Variants in MIPEP observed in about 807,000 individuals in gnomAD.
MIPEP encodes the protein mitochondrial intermediate peptidase.
In MIPEP, 79 loss-of-function variants were observed where a neutral mutation model predicts 90.3. The observed-to-expected ratio is 0.87, with a 90% confidence interval of 0.73 to 1.05. MIPEP has a LOEUF of 1.05. Ranked by LOEUF, MIPEP falls within the 50% of genes least tolerant of loss-of-function variation. The pLI is 0.00. For missense variants in MIPEP, 940 were observed against 905.6 expected (o/e 1.04, Z -0.49); for synonymous variants, 334 against 315.8 (o/e 1.06, Z -0.61).
intron 10 of MIPEP, among the ~76,000 whole-genome samples, chr13:23,842,926 C>T (rs1593185589): frequency 6.6e-6 from 1 of 151,890 alleles, no homozygotes; most frequent in Non-Finnish European, 1.5e-5. Flanking sequence ...GGTGAAACCC[C>T]GTCTCTACTA....
chr13:23,772,433 A>ATTTT (rs1224750921), intron 16 of MIPEP, among the ~76,000 whole-genome samples: 90 of 152,344 alleles, frequency 5.9e-4, no homozygotes, highest in Admixed American at 1.4e-3. Flanking sequence ...AAAAATATTC[A>ATTTT]ATACCATTAG....
intron 16 of MIPEP, among the ~76,000 whole-genome samples, chr13:23,779,816 C>T (rs566247359): frequency 8.5e-5 from 13 of 152,354 alleles, no homozygotes; most frequent in East Asian, 3.9e-4. Flanking sequence ...TTATATCCCG[C>T]GCCTGGCTCA....
chr13:23,804,424 G>A (rs966278109), intron 16 of MIPEP, among the ~76,000 whole-genome samples: 1 of 152,160 alleles, frequency 6.6e-6, no homozygotes, highest in Non-Finnish European at 1.5e-5. Flanking sequence ...AATGCTCTGT[G>A]AACTGGAAAA....
intron 10 of MIPEP, among the ~76,000 whole-genome samples, chr13:23,853,680 C>A (rs574915498): frequency 2.6e-5 from 4 of 152,206 alleles, no homozygotes; most frequent in Admixed American, 6.5e-5. Flanking sequence ...CCTGCCTCAG[C>A]CTCCCAAGTA....
chr13:23,740,949 T>A (rs1476705915), intron 18 of MIPEP, among the ~76,000 whole-genome samples: 1 of 152,130 alleles, frequency 6.6e-6, no homozygotes, highest in Non-Finnish European at 1.5e-5. Context: ...ATGGACTGGG[T>A]GTCCAAGGCT....
At chr13:23,812,483 T>TA (rs11427234) in intron 14 of MIPEP, among the ~76,000 whole-genome samples, 146,383 of 149,442 alleles carry the variant, frequency 0.98, 71,737 homozygotes, top group East Asian at 1. Context: ...CCCTGAGAAA[T>TA]AAAAAAAAAA....
chr13:23,764,720 G>T (rs1952577281), intron 16 of MIPEP, among the ~76,000 whole-genome samples: 1 of 152,028 alleles, frequency 6.6e-6, no homozygotes, highest in Non-Finnish European at 1.5e-5. Flanking sequence ...ACCATAATTG[G>T]CTAATTTTTA....
chr13:23,799,000 G>GTTTTTTTTTTT (rs765292524), intron 16 of MIPEP, among the ~76,000 whole-genome samples: 6 of 88,902 alleles, frequency 6.7e-5, no homozygotes, highest in East Asian at 3.5e-4. Flanking sequence ...AATTTTTTTG[G>GTTTTTTTTTTT]TTTTTTTTTT....
intron 18 of MIPEP, among the ~76,000 whole-genome samples, chr13:23,755,376 T>C (rs1300566729): frequency 1.3e-5 from 2 of 152,228 alleles, no homozygotes; most frequent in Non-Finnish European, 2.9e-5. Context: ...AATAAATGAA[T>C]GGCTGAAGGC....
At chr13:23,852,826 C>T (rs1462470634) in intron 10 of MIPEP, among the ~76,000 whole-genome samples, 1 of 152,166 alleles carries the variant, frequency 6.6e-6, no homozygotes, top group Non-Finnish European at 1.5e-5. Flanking sequence ...CCTGTTATTT[C>T]CCTTGCAGAC....
chr13:23,766,125 T>C (rs994550141), intron 16 of MIPEP: 1 of 152,218 alleles, frequency 6.6e-6, no homozygotes, highest in Non-Finnish European at 1.5e-5. Flanking sequence ...GATACTATGG[T>C]GTTAAAAACA....
At chr13:23,830,580 G>A (rs1396921507) in intron 14 of MIPEP, among the ~76,000 whole-genome samples, 1 of 152,140 alleles carries the variant, frequency 6.6e-6, no homozygotes, top group Non-Finnish European at 1.5e-5. Context: ...TACTTGGAGA[G>A]GCATCTCTTT....
In MIPEP at chr13:23,836,292, G is replaced by C. The variant is rs770478176; in HGVS notation, c.1601C>G (p.Ala534Gly). 1.9e-6 allele frequency: 3 copies of C among 1,606,362 alleles called. No homozygotes were observed. Among genetic ancestry groups the C allele is most frequent in the Middle Eastern group, 1.7e-4 (1 of 6,032 alleles). ...TTGGTTAACTACTCGATAATCATTT[G>C]CAAAGTACTCCATCAGAATAGAAGG... ...EVPSILMEYF[A>G]NDYRVVNQFA... The change falls in exon 14 of 19, where the codon GCA becomes GGA. Residue 534 changes from alanine to glycine, a missense_variant. Physicochemically the swap from Ala to Gly is moderately conservative, Grantham distance 60. Transcript: ENST00000382172.
intron 3 of MIPEP, among the ~76,000 whole-genome samples, chr13:23,880,166 A>C (rs1046630711): frequency 2.0e-5 from 3 of 152,110 alleles, no homozygotes; most frequent in Non-Finnish European, 2.9e-5. Context: ...AAAACACTTA[A>C]GATTTATATG....
At chr13:23,757,200 G>A (rs1206398532) in intron 17 of MIPEP, among the ~76,000 whole-genome samples, 3 of 152,066 alleles carry the variant, frequency 2.0e-5, no homozygotes, top group Non-Finnish European at 2.9e-5. Flanking sequence ...GTCTCATAAG[G>A]AGTGCCCATC....
intron 4 of MIPEP, among the ~76,000 whole-genome samples, chr13:23,876,783 T>C (rs1041456959): frequency 4.6e-5 from 7 of 152,210 alleles, no homozygotes; most frequent in African/African-American, 1.7e-4. Flanking sequence ...TGTATGAGTT[T>C]GTATCATGCC....
At chr13:23,755,761 C>T (rs2138510580) in intron 18 of MIPEP, among the ~76,000 whole-genome samples, 1 of 151,768 alleles carries the variant, frequency 6.6e-6, no homozygotes, top group South Asian at 2.1e-4. Flanking sequence ...GAGAAAATTA[C>T]ATAGAAAAAA....
intron 16 of MIPEP, among the ~76,000 whole-genome samples, chr13:23,792,656 C>T (rs903822748): frequency 2.0e-5 from 3 of 152,218 alleles, no homozygotes; most frequent in Non-Finnish European, 4.4e-5. Context: ...CGATGTCTGG[C>T]CGTCTTCTCC....
At chr13:23,885,568 T>C (rs899110936) in intron 2 of MIPEP, among the ~76,000 whole-genome samples, 4 of 151,834 alleles carry the variant, frequency 2.6e-5, no homozygotes, top group Non-Finnish European at 4.4e-5. Context: ...CATGAATATA[T>C]ACATGTACCC....
Sources: allele counts gnomAD v4.1 joint callset (sites outside exome capture counted in the v4.1 genomes callset), GRCh38; gene constraint gnomAD v4.1.1; transcripts MANE v1.5; gene names NCBI Gene and HGNC (gene_info 2026-07-23, HGNC 2026-07-21).